FRY: variants seen among roughly 807,000 people sequenced by gnomAD.
FRY encodes the protein protein furry homolog.
Under a neutral mutation model 348.4 loss-of-function variants are expected in FRY, and 128 were observed. The observed-to-expected ratio is 0.37, with a 90% CI of 0.32 to 0.43. The LOEUF is 0.43. FRY is among the 20% of genes least tolerant of loss of function. The probability of loss-of-function intolerance (pLI) is 1.00; values close to 1 mark genes in which losing one functional copy is unlikely to be tolerated. For synonymous variants in FRY, 1,370 were observed against 1,374.7 expected (o/e 1.00, Z 0.08); for missense variants, 2,736 against 3,695.2 (o/e 0.74, Z 6.73).
At chr13:32,253,282 A>ATC in intron 50 of FRY, among the ~76,000 whole-genome samples, 1 of 152,336 alleles carries the variant, frequency 6.6e-6, no homozygotes, top group South Asian at 2.1e-4. Flanking sequence ...ATGAGAGGCT[A>ATC]TCATATGCAT....
At chr13:32,034,170 A>G (rs1240441805) in intron 1 of FRY, among the ~76,000 whole-genome samples, 2 of 152,248 alleles carry the variant, frequency 1.3e-5, no homozygotes, top group Non-Finnish European at 2.9e-5. Flanking sequence ...AAAGTGCAGT[A>G]ATTAAAAAGC....
chr13:32,205,683 G>A (rs1054254984), intron 31 of FRY, among the ~76,000 whole-genome samples: 2 of 152,038 alleles, frequency 1.3e-5, no homozygotes, highest in African/African-American at 4.8e-5. Flanking sequence ...AACAGAGAGA[G>A]CATCCAAGCA....
rs2072052641 is a variant in FRY, at chr13:32,295,821, A to G, written c.*361A>G. On this transcript the variant is annotated 3_prime_UTR_variant, in exon 61 of 61. Transcript: ENST00000542859. The stretch of plus-strand genomic sequence containing the variant: ...ACAATTTTAGATTGGCAAAAGTGCA[A>G]TGTTTTCTTCACTCAAAAAATTTTA... 4.1e-6 allele frequency: 1 copy of G among 244,986 alleles called. No homozygotes were observed. Among genetic ancestry groups the G allele is most frequent in the African/African-American group, 2.2e-5 (1 of 45,146 alleles). The allele number at this position is 244,986 out of a possible 1,614,324, so 15.2% of individuals were successfully genotyped here.
intron 4 of FRY, among the ~76,000 whole-genome samples, chr13:32,118,403 G>A (rs116342084): frequency 0.017 from 2,616 of 152,116 alleles, 69 homozygotes; most frequent in African/African-American, 0.059. Context: ...TTTCTTGAAA[G>A]TCCTAATACT....
intron 3 of FRY, among the ~76,000 whole-genome samples, chr13:32,116,860 GAATA>G (rs1298780013): frequency 1.1e-4 from 16 of 152,106 alleles, no homozygotes; most frequent in African/African-American, 3.9e-4. Flanking sequence ...ATTAATGAAT[GAATA>G]ATTATTGTCC....
intron 39 of FRY, 72 bp downstream of exon 39, chr13:32,226,046 G>A: frequency 2.9e-6 from 4 of 1,367,968 alleles, no homozygotes; most frequent in Non-Finnish European, 4.2e-6. Context: ...GGGTGCCAGT[G>A]GAGCCCAAGT....
chr13:32,061,234 C>T, intron 1 of FRY: 2 of 511,010 alleles, frequency 3.9e-6, no homozygotes, highest in Non-Finnish European at 4.0e-6. Flanking sequence ...TGGGAGGACT[C>T]TTCTAAAGGT....
intron 16 of FRY, among the ~76,000 whole-genome samples, chr13:32,158,369 G>A (rs1187153681): frequency 2.0e-5 from 3 of 151,976 alleles, no homozygotes; most frequent in South Asian, 4.2e-4. Flanking sequence ...CACAAAAGTG[G>A]GATAATACAA....
chr13:32,272,265 G>A (rs1044435552), intron 55 of FRY, among the ~76,000 whole-genome samples: 7 of 152,164 alleles, frequency 4.6e-5, no homozygotes, highest in African/African-American at 7.2e-5. Flanking sequence ...CAATGTTTCC[G>A]TGTTAGGTTG....
chr13:32,194,356 T>G, intron 29 of FRY, 59 bp downstream of exon 29: 15 of 1,491,346 alleles, frequency 1.0e-5, no homozygotes, highest in Non-Finnish European at 1.4e-5. Context: ...CTTTTTGTGA[T>G]ATGAATGACG....
intron 55 of FRY, among the ~76,000 whole-genome samples, chr13:32,271,712 A>T: frequency 6.6e-6 from 1 of 152,202 alleles, no homozygotes; most frequent in Non-Finnish European, 1.5e-5. Flanking sequence ...CTCGCAGAAG[A>T]TGACCCCTTC....
intron 3 of FRY, among the ~76,000 whole-genome samples, chr13:32,105,433 C>T (rs1260018002): frequency 6.6e-6 from 1 of 152,200 alleles, no homozygotes; most frequent in East Asian, 1.9e-4. Flanking sequence ...TTACCAATCT[C>T]AGCAGCACTA....
At chr13:32,197,379 T>C (rs112530863) in intron 29 of FRY, among the ~76,000 whole-genome samples, 27 of 152,218 alleles carry the variant, frequency 1.8e-4, no homozygotes, top group African/African-American at 5.5e-4. Flanking sequence ...AAGCTTATGA[T>C]TCATAAATCC....
intron 2 of FRY, among the ~76,000 whole-genome samples, chr13:32,096,173 G>C (rs560881768): frequency 6.6e-6 from 1 of 151,694 alleles, no homozygotes; most frequent in South Asian, 2.1e-4. Flanking sequence ...GTACTCTCAA[G>C]TCTCATCTCA....
At chr13:32,180,381 C>T (rs942530011) in intron 23 of FRY, among the ~76,000 whole-genome samples, 1 of 152,112 alleles carries the variant, frequency 6.6e-6, no homozygotes, top group South Asian at 2.1e-4. Context: ...GCTACAGACC[C>T]GCGCCACCAC....
intron 3 of FRY, among the ~76,000 whole-genome samples, chr13:32,103,447 A>G: frequency 6.6e-6 from 1 of 152,226 alleles, no homozygotes; most frequent in Non-Finnish European, 1.5e-5. Context: ...ATAGGTAGGA[A>G]TTGAACAATG....
At chr13:32,264,340 T>C (rs1431569120) in intron 53 of FRY, among the ~76,000 whole-genome samples, 1 of 152,106 alleles carries the variant, frequency 6.6e-6, no homozygotes, top group African/African-American at 2.4e-5. Flanking sequence ...TTCCCTAATA[T>C]ATTTTTACCA....
At chr13:32,280,789 T>A (rs1756167863) in intron 58 of FRY, among the ~76,000 whole-genome samples, 1 of 152,230 alleles carries the variant, frequency 6.6e-6, no homozygotes, top group Non-Finnish European at 1.5e-5. Context: ...TATTTATTTG[T>A]TTGTTTCTTT....
At chr13:32,068,687 G>T (rs1270838565) in intron 1 of FRY, among the ~76,000 whole-genome samples, 3 of 152,168 alleles carry the variant, frequency 2.0e-5, no homozygotes, top group African/African-American at 4.8e-5. Flanking sequence ...TCTCTCCAAG[G>T]TATTCAGTCT....
Sources: allele counts gnomAD v4.1 joint callset (sites outside exome capture counted in the v4.1 genomes callset), GRCh38; gene constraint gnomAD v4.1.1; transcripts MANE v1.5; gene names NCBI Gene and HGNC (gene_info 2026-07-23, HGNC 2026-07-21).